The following DEPDC5 variants were observed in gnomAD, a reference collection of about 807,000 sequenced individuals.
The protein encoded by DEPDC5 is DEP domain containing 5, GATOR1 subcomplex subunit.
A neutral mutation model predicts 217.3 loss-of-function variants in DEPDC5; 73 were observed. The observed-to-expected ratio is 0.34, with a 90% confidence interval of 0.28 to 0.41. DEPDC5 has a LOEUF of 0.41. Among genes scored for constraint, DEPDC5 ranks in the 10% least tolerant of loss-of-function variants. The pLI, the probability that DEPDC5 is intolerant of heterozygous loss-of-function variation, is 1.00. For synonymous variants in DEPDC5, 733 were observed against 756.7 expected, an observed-to-expected ratio of 0.97 and a Z score of 0.51; for missense variants, 1,675 against 2,070.1, an observed-to-expected ratio of 0.81 and a Z score of 3.70.
Position 31,758,645 on chromosome 22 carries a change from A to G in DEPDC5, c.146+12A>G, listed in dbSNP as rs548953445. On this transcript the variant is annotated intron_variant, in intron 3 of 42. Transcript: ENST00000651528. ...AACGATGAATACAGGTGAGTGTCTC[A>G]TAGGATCCATGGAACTGGGCAATTC... 2.5e-6 allele frequency: 4 copies of G among 1,601,096 alleles called. No homozygotes were observed. The South Asian group carries it at 4.4e-5, about 18-fold the overall frequency.
chr22:31,761,404 T>C (rs937618488), intron 4 of DEPDC5, among the ~76,000 whole-genome samples: 53 of 152,268 alleles, frequency 3.5e-4, no homozygotes, highest in African/African-American at 1.3e-3. Context: ...GTTTGTGAGT[T>C]AGTTCACTTA....
At position 31,870,606 on chromosome 22, in the gene DEPDC5, C is replaced by A; in HGVS notation, c.3347C>A (p.Thr1116Lys). The A allele has an allele frequency of 6.5e-7, 1 of 1,541,434 alleles. No individual in the cohort carries two copies. Among genetic ancestry groups the A allele is most frequent in the Non-Finnish European group, 8.7e-7 (1 of 1,148,496 alleles). ...AFYPQVSVDQ[T>K]ATPMLDGTSL... ...CTCCTGCAGGTATCTGTGGACCAAA[C>A]AGCCACTCCTATGTTGGACGGCACC... Residue 1116 changes from threonine (T) to lysine (K), a missense_variant, in exon 34 of 43, where the codon ACA becomes AAA. By Grantham distance (78) the Thr-to-Lys change is moderately conservative. Coordinates refer to ENST00000651528, the MANE Select transcript of DEPDC5 (RefSeq NM_001242896.3).
At chr22:31,770,144 G>GGCT (rs2083207590) in intron 7 of DEPDC5, among the ~76,000 whole-genome samples, 2 of 151,370 alleles carry the variant, frequency 1.3e-5, no homozygotes, top group African/African-American at 4.8e-5. Context: ...TGAGGTGGGA[G>GGCT]GATCGCCTGA....
chr22:31,831,192 A>G (rs1555892840), intron 24 of DEPDC5: 1 of 152,220 alleles, frequency 6.6e-6, no homozygotes, highest in Non-Finnish European at 1.5e-5. Flanking sequence ...AAGAATCTAA[A>G]TTCAGGTTCC....
At chr22:31,842,981 C>A in intron 27 of DEPDC5, 114 bp from the exon 28 acceptor site, 1 of 721,530 alleles carries the variant, frequency 1.4e-6, no homozygotes, top group Non-Finnish European at 2.2e-6. Flanking sequence ...TTCCATGAAA[C>A]TGCCCCTAAG....
At chr22:31,771,572 C>G (rs558102036) in intron 7 of DEPDC5, among the ~76,000 whole-genome samples, 1 of 151,820 alleles carries the variant, frequency 6.6e-6, no homozygotes, top group South Asian at 2.1e-4. Flanking sequence ...ATACAAAAAT[C>G]AGCTGGGTGT....
intron 24 of DEPDC5, chr22:31,831,192 ATTCAGGTTCCTCCTACTTACTGTGAGATC>A (rs1244716331): frequency 1.3e-5 from 2 of 152,220 alleles, no homozygotes; most frequent in Non-Finnish European, 2.9e-5. Context: ...AAGAATCTAA[ATTCAGGTTCCTCCTACTTACTGTGAGATC>A]TTCAGTAAGT....
chr22:31,873,193 A>G, intron 34 of DEPDC5, 62 bp from the exon 35 acceptor site: 1 of 1,612,696 alleles, frequency 6.2e-7, no homozygotes, highest in Admixed American at 1.7e-5. Flanking sequence ...TGTTCCTAAT[A>G]TTCGTGCTCT....
chr22:31,892,784 T>C (rs1317720767), intron 38 of DEPDC5, among the ~76,000 whole-genome samples: 1 of 151,930 alleles, frequency 6.6e-6, no homozygotes, highest in Non-Finnish European at 1.5e-5. Context: ...GTCCATTTTT[T>C]ACAAGGTACA....
chr22:31,783,765 T>C (rs1401569936), intron 8 of DEPDC5, 142 bp from the exon 9 acceptor site: 6 of 594,418 alleles, frequency 1.0e-5, no homozygotes, highest in Non-Finnish European at 1.6e-5. Context: ...AAATTTACCA[T>C]CTTAACCATT....
chr22:31,759,437 GATCTTGGCTCACTGCA>G (rs2082204381), intron 3 of DEPDC5, among the ~76,000 whole-genome samples: 1 of 149,160 alleles, frequency 6.7e-6, no homozygotes, highest in East Asian at 2.0e-4. Context: ...GCAGTGGTGG[GATCTTGGCTCACTGCA>G]ATCTCTGTCT....
chr22:31,864,079 G>A (rs1398891198), intron 33 of DEPDC5, among the ~76,000 whole-genome samples: 1 of 151,536 alleles, frequency 6.6e-6, no homozygotes, highest in Non-Finnish European at 1.5e-5. Flanking sequence ...TAGAATGGAG[G>A]AGGGAGGCCA....
chr22:31,760,548 T>G, intron 3 of DEPDC5, 108 bp from the exon 4 acceptor site: 1 of 932,910 alleles, frequency 1.1e-6, no homozygotes, highest in Non-Finnish European at 1.7e-6. Context: ...TGTTGTGCTG[T>G]AAGTCACAGA....
chr22:31,807,155 T>G (rs888070661), intron 18 of DEPDC5, among the ~76,000 whole-genome samples: 4 of 152,238 alleles, frequency 2.6e-5, no homozygotes, highest in Non-Finnish European at 5.9e-5. Context: ...CTTGAGTACC[T>G]GGTTGGTGTA....
intron 33 of DEPDC5, among the ~76,000 whole-genome samples, chr22:31,868,151 T>C (rs1381052016): frequency 6.6e-6 from 1 of 152,180 alleles, no homozygotes; most frequent in African/African-American, 2.4e-5. Context: ...GTTATTTTTT[T>C]AACAAATCAT....
chr22:31,900,843 A>C (rs2149414248), intron 40 of DEPDC5, among the ~76,000 whole-genome samples: 1 of 152,312 alleles, frequency 6.6e-6, no homozygotes, highest in South Asian at 2.1e-4. Flanking sequence ...TGAGAGGCAG[A>C]GGTGGGAGGA....
At chr22:31,835,735 A>T (rs1407826928) in intron 25 of DEPDC5, among the ~76,000 whole-genome samples, 2 of 152,228 alleles carry the variant, frequency 1.3e-5, no homozygotes, top group African/African-American at 4.8e-5. Context: ...TAATTAGGCT[A>T]TTCGGGCCTA....
At chr22:31,901,954 T>C in intron 41 of DEPDC5, 152 bp downstream of exon 41, 1 of 691,822 alleles carries the variant, frequency 1.4e-6, no homozygotes, top group Non-Finnish European at 2.5e-6. Flanking sequence ...CAGGACTCTT[T>C]ACATTGGTTT....
chr22:31,829,686 G>T (rs1181646319), intron 24 of DEPDC5, among the ~76,000 whole-genome samples: 1 of 152,146 alleles, frequency 6.6e-6, no homozygotes, highest in African/African-American at 2.4e-5. Flanking sequence ...ATTCACAGGA[G>T]TATCATCTCT....
Sources: allele counts gnomAD v4.1 joint callset (sites outside exome capture counted in the v4.1 genomes callset), GRCh38; gene constraint gnomAD v4.1.1; transcripts MANE v1.5; gene names NCBI Gene and HGNC (gene_info 2026-07-23, HGNC 2026-07-21).